PPP1R9A: variants seen among roughly 807,000 people sequenced by gnomAD.
PPP1R9A encodes the protein neurabin-1.
PPP1R9A carries 59 observed loss-of-function variants against 141.9 expected under a neutral mutation model. That is an observed-to-expected ratio of 0.42 (90% CI 0.34 to 0.52). PPP1R9A has a LOEUF of 0.52. Among genes scored for constraint, PPP1R9A ranks in the 20% least tolerant of loss-of-function variants. The pLI, the probability that PPP1R9A is intolerant of heterozygous loss-of-function variation, is 0.10. For synonymous variants in PPP1R9A, 500 were observed against 569.7 expected (o/e 0.88, Z 1.74); for missense variants, 1,444 against 1,611.9 (o/e 0.90, Z 1.78).
chr7:95,009,747 G>A (rs1804146735), intron 2 of PPP1R9A, among the ~76,000 whole-genome samples: 1 of 152,148 alleles, frequency 6.6e-6, no homozygotes, highest in Admixed American at 6.6e-5. Context: ...TATTCATAGA[G>A]TGATGAAGTG....
intron 2 of PPP1R9A, among the ~76,000 whole-genome samples, chr7:94,953,622 T>C (rs1286246881): frequency 5.3e-5 from 8 of 152,168 alleles, no homozygotes; most frequent in Non-Finnish European, 1.2e-4. Context: ...GTTTGTGTCC[T>C]CTCTTATTTC....
chr7:94,939,768 A>T (rs1013957299), intron 2 of PPP1R9A, among the ~76,000 whole-genome samples: 10 of 145,854 alleles, frequency 6.9e-5, no homozygotes, highest in Non-Finnish European at 1.5e-4. Context: ...GGACAAGATT[A>T]TATATATATA....
At chr7:95,062,698 T>C (rs538354950) in intron 2 of PPP1R9A, among the ~76,000 whole-genome samples, 30 of 152,108 alleles carry the variant, frequency 2.0e-4, no homozygotes, top group Non-Finnish European at 2.8e-4. Context: ...AAGGGGGATT[T>C]TTTTTTCTCC....
At chr7:95,011,225 G>A (rs1456941323) in intron 2 of PPP1R9A, among the ~76,000 whole-genome samples, 1 of 151,910 alleles carries the variant, frequency 6.6e-6, no homozygotes, top group African/African-American at 2.4e-5. Flanking sequence ...TTCAAATATG[G>A]AATTACAATA....
In PPP1R9A at chr7:94,916,147, A is replaced by ATAATGAG. The variant is rs528104809; in HGVS notation, c.1395+4639_1395+4640insTAATGAG. ...CATTCTCATTATCAATACTTGGCCC[A>ATAATGAG]GCCTGAGTGTTGCCTCTGTCTCATA... On this transcript the variant is annotated intron_variant, in intron 2 of 19. Transcript: ENST00000433360. 5.6e-3 allele frequency among the ~76,000 whole-genome samples: 854 copies of ATAATGAG among 152,324 alleles called. 2 individuals carry two copies. The highest frequency in any genetic ancestry group is 0.01 in the Middle Eastern group (3 of 294).
At chr7:94,969,255 G>A (rs1017817381) in intron 2 of PPP1R9A, among the ~76,000 whole-genome samples, 5 of 152,104 alleles carry the variant, frequency 3.3e-5, no homozygotes, top group African/African-American at 1.2e-4. Context: ...CAGCCTTTTT[G>A]TGCTGGTTTT....
intron 7 of PPP1R9A, among the ~76,000 whole-genome samples, chr7:95,222,710 A>G (rs1184511341): frequency 1.3e-5 from 2 of 152,106 alleles, no homozygotes; most frequent in South Asian, 2.1e-4. Context: ...CTAGATACCA[A>G]TGGAAATACT....
intron 8 of PPP1R9A, among the ~76,000 whole-genome samples, chr7:95,235,264 A>G (rs1400765578): frequency 6.6e-6 from 1 of 152,132 alleles, no homozygotes; most frequent in Non-Finnish European, 1.5e-5. Context: ...TGCCATCTAT[A>G]CATCTGACAA....
intron 2 of PPP1R9A, among the ~76,000 whole-genome samples, chr7:95,081,244 T>C (rs535027588): frequency 7.2e-4 from 109 of 152,242 alleles, no homozygotes; most frequent in Non-Finnish European, 1.4e-3. Flanking sequence ...ATTCAGAAAT[T>C]TCCAGGCATG....
At chr7:95,252,467 A>ATTTTTTTTT (rs71127405) in intron 12 of PPP1R9A, among the ~76,000 whole-genome samples, 1 of 107,028 alleles carries the variant, frequency 9.3e-6, no homozygotes, top group Non-Finnish European at 1.9e-5. Context: ...TAAGGTTTAG[A>ATTTTTTTTT]TTTTTTTTTT....
chr7:95,227,859 A>T (rs1319361041), intron 8 of PPP1R9A, among the ~76,000 whole-genome samples: 1 of 152,186 alleles, frequency 6.6e-6, no homozygotes, highest in Non-Finnish European at 1.5e-5. Flanking sequence ...ACATCGTTCC[A>T]CTTAACAATT....
At chr7:95,233,421 T>C (rs1423814870) in intron 8 of PPP1R9A, among the ~76,000 whole-genome samples, 1 of 152,036 alleles carries the variant, frequency 6.6e-6, no homozygotes, top group East Asian at 1.9e-4. Context: ...ATGTAGATGA[T>C]GGGTTGATGG....
intron 2 of PPP1R9A, among the ~76,000 whole-genome samples, chr7:95,073,493 CACAT>C (rs1054410871): frequency 1.3e-4 from 19 of 151,730 alleles, no homozygotes; most frequent in African/African-American, 4.3e-4. Context: ...AACTTAATAA[CACAT>C]TTGCAGCTAC....
chr7:94,920,103 C>CA (rs1319876518), intron 2 of PPP1R9A, among the ~76,000 whole-genome samples: 5 of 152,098 alleles, frequency 3.3e-5, no homozygotes, highest in African/African-American at 1.2e-4. Context: ...TTCTTGAGAA[C>CA]AATAATTCTA....
chr7:94,921,819 C>A (rs958162768), intron 2 of PPP1R9A, among the ~76,000 whole-genome samples: 1 of 151,818 alleles, frequency 6.6e-6, no homozygotes, highest in Admixed American at 6.6e-5. Context: ...TTTTAGAAAT[C>A]TTATCATTGA....
intron 2 of PPP1R9A, among the ~76,000 whole-genome samples, chr7:95,000,519 A>T (rs1802777440): frequency 6.6e-6 from 1 of 152,088 alleles, no homozygotes; most frequent in African/African-American, 2.4e-5. Flanking sequence ...ACTATAGCCT[A>T]CATAATTTGA....
chr7:95,267,016 T>A (rs146326614), intron 12 of PPP1R9A, among the ~76,000 whole-genome samples: 2 of 152,302 alleles, frequency 1.3e-5, no homozygotes, highest in East Asian at 3.9e-4. Flanking sequence ...CTGAATGGTC[T>A]GAATTTTCTG....
In PPP1R9A at chr7:95,196,009, C is replaced by T. The variant is rs548083573; in HGVS notation, c.1755-2340C>T. Among the ~76,000 whole-genome samples, 8 of 152,200 alleles carry T rather than the reference C, an allele frequency of 5.3e-5. No individual in the cohort carries two copies. The South Asian group carries it at 1.5e-3, about 28-fold the overall frequency. On this transcript the variant is annotated intron_variant, in intron 5 of 19. Transcript: ENST00000433360. ...AGGATACAATGAGCTGTGATCATGC[C>T]ACTGCACTCCAGCATGGGTGACAGA...
chr7:95,189,638 A>G (rs921046930), intron 5 of PPP1R9A, among the ~76,000 whole-genome samples: 21 of 151,178 alleles, frequency 1.4e-4, no homozygotes, highest in African/African-American at 4.6e-4. Flanking sequence ...GGGTTTCACC[A>G]TTTTAGCCGG....
Sources: gnomAD v4.1 joint callset for allele counts (sites outside exome capture counted in the v4.1 genomes callset) on GRCh38, gnomAD v4.1.1 for gene constraint, MANE v1.5 for transcripts, NCBI Gene and HGNC (gene_info 2026-07-23, HGNC 2026-07-21) for gene names.